Variants in ZNF813 observed in about 807,000 individuals in gnomAD.
The protein encoded by ZNF813 is zinc finger protein 813.
In ZNF813, 3 loss-of-function variants were observed where a neutral mutation model predicts 7.2. That is an observed-to-expected ratio of 0.42 (90% CI 0.19 to 1.08). The LOEUF (loss-of-function observed/expected upper bound fraction) is 1.08. ZNF813 is among the 50% of genes least tolerant of loss of function. The pLI is 0.30. For synonymous variants in ZNF813, 227 were observed against 256.3 expected (o/e 0.89, Z 1.09); for missense variants, 714 against 753.3 (o/e 0.95, Z 0.61).
chr19:53,491,105 A>G lies in ZNF813; in HGVS notation c.873A>G (p.Arg291=), dbSNP rs1345399614. The G allele has an allele frequency of 6.2e-7, 1 of 1,614,036 alleles. No homozygotes were observed. Among genetic ancestry groups the G allele is most frequent in the East Asian group, 2.2e-5 (1 of 44,896 alleles). The change falls in exon 4 of 4, where the codon AGA becomes AGG. Residue 291 remains arginine (R), a synonymous_variant. Coordinates refer to ENST00000396403, the MANE Select transcript of ZNF813 (RefSeq NM_001004301.4). Reference sequence around the variant, plus strand: ...CGTATTCCCTTACATGCCATCGTAGACTTCATACTGGAGAGAAACCTTACA... The same window carrying G: ...CGTATTCCCTTACATGCCATCGTAGGCTTCATACTGGAGAGAAACCTTACA... ...SQTYSLTCHR[R]LHTGEKPYKC... is the part of the protein sequence containing the mutation.
intron 1 of ZNF813, chr19:53,479,247 A>C: frequency 1.7e-6 from 2 of 1,166,952 alleles, no homozygotes; most frequent in Non-Finnish European, 2.4e-6. Context: ...GATAAATCTT[A>C]GTTTTCAAAA....
chr19:53,481,668 A>G (rs2086409229), intron 1 of ZNF813, among the ~76,000 whole-genome samples: 3 of 152,114 alleles, frequency 2.0e-5, no homozygotes. Context: ...TTCTTGATTG[A>G]AAAACTTTGC....
chr19:53,491,665 G>A lies in ZNF813; in HGVS notation c.1433G>A (p.Arg478Gln), dbSNP rs2086463311. The change falls in exon 4 of 4, where the codon CGA becomes CAA. Residue 478 changes from arginine to glutamine, a missense_variant. Physicochemically the swap from Arg to Gln is conservative, Grantham distance 43. Transcript: ENST00000396403. ...KCNECGKTFS[R>Q]ISALVIHTAI... ...AATGAGTGTGGCAAGACGTTCAGTC[G>A]AATTTCAGCCCTCGTAATTCATACG... 7 of 1,613,084 alleles carry A rather than the reference G, an allele frequency of 4.3e-6. No individual in the cohort carries two copies. The highest frequency in any genetic ancestry group is 3.3e-4 in the Middle Eastern group (2 of 6,070).
chr19:53,482,748 G>A (rs2086415483), intron 1 of ZNF813, among the ~76,000 whole-genome samples: 1 of 106,132 alleles, frequency 9.4e-6, no homozygotes, highest in African/African-American at 3.7e-5. Context: ...TTGAGAGACA[G>A]AATCTCACTC....
rs2086365504 is a variant in ZNF813 at position 53,472,715 on chromosome 19, C to A, written c.-74+4926C>A. Among the ~76,000 whole-genome samples, 6 of 149,176 alleles carry A rather than the reference C, an allele frequency of 4.0e-5. No individual in the cohort carries two copies. In the South Asian group the frequency reaches 1.3e-3, roughly 32 times the overall value. On this transcript the variant is annotated intron_variant, in intron 1 of 3. Transcript: ENST00000396403. ...ACAACCTCCACCTTCTGGGTTCAAG[C>A]AATTCTCCTGCCCCATCCTCCTGAA...
Position 53,490,428 on chromosome 19 carries a change from A to G in ZNF813, c.196A>G (p.Arg66Gly). 1 of 1,614,190 alleles carries G rather than the reference A, an allele frequency of 6.2e-7. No individual in the cohort carries two copies. Among genetic ancestry groups the G allele is most frequent in the Non-Finnish European group, 8.5e-7 (1 of 1,180,028 alleles). Residue 66 changes from arginine (R) to glycine (G), a missense_variant, in exon 4 of 4, where the codon AGA becomes GGA. Arg to Gly is a moderately radical substitution (Grantham distance 125). Around this residue, in one of 3 missense-constraint regions of ZNF813, gnomAD observed 563 missense variants for 554.2 expected, o/e 1.02. Transcript: ENST00000396403. The stretch of plus-strand genomic sequence containing the variant: ...GTTCTCATCAACAGCACAAGGCAAT[A>G]GAGAAGTGATCCACACAGGGACATT... Reference protein sequence around the residue: ...KEFSSTAQGNREVIHTGTLQR... With the variant: ...KEFSSTAQGNGEVIHTGTLQR...
chr19:53,483,100 G>A (rs1450882146), intron 1 of ZNF813, among the ~76,000 whole-genome samples: 4 of 151,890 alleles, frequency 2.6e-5, no homozygotes, highest in African/African-American at 9.7e-5. Flanking sequence ...AGTAGACATG[G>A]GGTTTCACCA....
Position 53,490,799 on chromosome 19 carries a change from T to C in ZNF813, c.567T>C (p.Ser189=), listed in dbSNP as rs367685158. The change falls in exon 4 of 4, where the codon TCT becomes TCC. Residue 189 remains serine (S), a synonymous_variant. Coordinates refer to ENST00000396403, the MANE Select transcript of ZNF813 (RefSeq NM_001004301.4). ...RISCRPKTHI[S]NNYGNNFRNS... ...CTTGTAGGCCCAAAACCCATATTTC[T>C]AATAACTATGGGAATAATTTCCGGA... 8 of 1,614,084 alleles carry C rather than the reference T, an allele frequency of 5.0e-6. No individual in the cohort carries two copies. In the African/African-American group the frequency reaches 1.1e-4, roughly 22 times the overall value.
chr19:53,490,937 A>T lies in ZNF813; in HGVS notation c.705A>T (p.Ile235=). The T allele has an allele frequency of 1.2e-6, 2 of 1,614,166 alleles. No individual in the cohort carries two copies. Among genetic ancestry groups the T allele is most frequent in the Non-Finnish European group, 1.7e-6 (2 of 1,179,994 alleles). The change falls in exon 4 of 4, where the codon ATA becomes ATT. Residue 235 remains isoleucine, a synonymous_variant. Coordinates refer to ENST00000396403, the MANE Select transcript of ZNF813 (RefSeq NM_001004301.4). ...GCTCACTCTTAAGGAAACATCAAAT[A>T]ATCCATTTAGGAGAGAAACAATATA... is the stretch of plus-strand genomic sequence containing the variant. ...NYSSLLRKHQ[I]IHLGEKQYKC... is the part of the protein sequence containing the mutation.
In ZNF813 at chr19:53,495,008, A is replaced by T. The variant is rs2147165932; in HGVS notation, c.*2922A>T. 1 of 144,346 alleles carries T rather than the reference A, an allele frequency of 6.9e-6. No homozygotes were observed. The highest frequency in any genetic ancestry group is 2.2e-4 in the South Asian group (1 of 4,520). The allele number at this position is 144,346 out of a possible 1,614,324, so 8.9% of individuals were successfully genotyped here. On this transcript the variant is annotated 3_prime_UTR_variant, in exon 4 of 4. Transcript: ENST00000396403. ...CACTGCATTCCAGCATGGGTGATGG[A>T]GCGAGATACTGGCTCAAAAAAAAAA...
intron 2 of ZNF813, among the ~76,000 whole-genome samples, chr19:53,485,808 A>G (rs2086431126): frequency 6.6e-6 from 1 of 152,256 alleles, no homozygotes; most frequent in East Asian, 1.9e-4. Flanking sequence ...CTCAGGCTCA[A>G]ACCATCCTCC....
At chr19:53,472,139 AT>A (rs1362491689) in intron 1 of ZNF813, among the ~76,000 whole-genome samples, 1 of 152,128 alleles carries the variant, frequency 6.6e-6, no homozygotes, top group East Asian at 1.9e-4. Flanking sequence ...GGAGACATGT[AT>A]GGGGTAACCT....
chr19:53,491,618 T>C lies in ZNF813; in HGVS notation c.1386T>C (p.Ile462=), dbSNP rs995049874. 10 of 1,613,620 alleles carry C rather than the reference T, an allele frequency of 6.2e-6. No homozygotes were observed. The African/African-American group carries it at 1.3e-4, about 22-fold the overall frequency. Residue 462 remains isoleucine, a synonymous_variant, in exon 4 of 4, where the codon ATT becomes ATC. Coordinates refer to ENST00000396403, the MANE Select transcript of ZNF813 (RefSeq NM_001004301.4). ...SALVIHKAIH[I]GEKRYKCNEC... ...TTGTAATTCATAAGGCTATTCATATTGGAGAGAAACGTTACAAGTGTAATG... is the reference window on the plus strand; with the variant it reads ...TTGTAATTCATAAGGCTATTCATATCGGAGAGAAACGTTACAAGTGTAATG...
chr19:53,473,346 T>C (rs2086368239), intron 1 of ZNF813, among the ~76,000 whole-genome samples: 1 of 152,114 alleles, frequency 6.6e-6, no homozygotes, highest in Non-Finnish European at 1.5e-5. Flanking sequence ...GGTGTGTGAC[T>C]AGAGCTGGGC....
chr19:53,491,918 A>G lies in ZNF813; in HGVS notation c.1686A>G (p.Gln562=), dbSNP rs2086465572. The G allele has an allele frequency of 6.2e-7, 1 of 1,610,622 alleles. No individual in the cohort carries two copies. Among genetic ancestry groups the G allele is most frequent in the Non-Finnish European group, 8.5e-7 (1 of 1,178,052 alleles). Residue 562 remains glutamine, a synonymous_variant, in exon 4 of 4, where the codon CAA becomes CAG. Coordinates refer to ENST00000396403, the MANE Select transcript of ZNF813 (RefSeq NM_001004301.4). ...ATGAATGTGGCAAGGTTTTTAATCA[A>G]AAAGCACACCTTGCACGTCACCATA... The part of the protein sequence containing the change: ...KCNECGKVFN[Q]KAHLARHHRL...
intron 1 of ZNF813, among the ~76,000 whole-genome samples, chr19:53,474,311 C>A (rs12461157): frequency 0.11 from 16,437 of 152,202 alleles, 915 homozygotes; most frequent in East Asian, 0.17. Context: ...GCCAAGTGGG[C>A]CCCCATAACG....
chr19:53,495,368 G>T lies in ZNF813; in HGVS notation c.*3282G>T, dbSNP rs2086482482. 1 of 151,970 alleles carries T rather than the reference G, an allele frequency of 6.6e-6. No individual in the cohort carries two copies. The allele number at this position is 151,970 out of a possible 1,614,324, so 9.4% of individuals were successfully genotyped here. A position where few individuals can be genotyped will look rare whatever the true frequency, so the allele number is the denominator to read the frequency against. On this transcript the variant is annotated 3_prime_UTR_variant, in exon 4 of 4. Coordinates refer to ENST00000396403, the MANE Select transcript of ZNF813 (RefSeq NM_001004301.4). ...TGCCTCCTTAGTAGCTGGGACTACA[G>T]GCGCGTGCCACCACATCAGCTAATT...
At chr19:53,487,212 C>T (rs1432552429) in intron 3 of ZNF813, among the ~76,000 whole-genome samples, 1 of 152,078 alleles carries the variant, frequency 6.6e-6, no homozygotes, top group Non-Finnish European at 1.5e-5. Flanking sequence ...GTTGATTCAG[C>T]CAGTCTTTGC....
At position 53,471,340 on chromosome 19, in the gene ZNF813, C is replaced by T. The variant is rs956368572; in HGVS notation, c.-74+3551C>T. ...CTATGTGTGGTTTAGAGAAGAGAAACAGGAGAATGGGTTTGGATGAGGTGA... is the reference window on the plus strand; with the variant it reads ...CTATGTGTGGTTTAGAGAAGAGAAATAGGAGAATGGGTTTGGATGAGGTGA... On this transcript the variant is annotated intron_variant, in intron 1 of 3. Transcript: ENST00000396403. 2.1e-3 allele frequency among the ~76,000 whole-genome samples: 324 copies of T among 152,100 alleles called. 1 individual carries two copies. Among genetic ancestry groups the T allele is most frequent in the South Asian group, 3.7e-3 (18 of 4,810 alleles).
Sources: allele counts gnomAD v4.1 joint callset (sites outside exome capture counted in the v4.1 genomes callset), GRCh38; gene constraint gnomAD v4.1.1; regional missense constraint gnomAD v4.1.1; transcripts MANE v1.5; gene names NCBI Gene and HGNC (gene_info 2026-07-23, HGNC 2026-07-21).